LAMA3: variants seen among roughly 807,000 people sequenced by gnomAD.
LAMA3 encodes laminin subunit alpha-3.
LAMA3 carries 281 observed loss-of-function variants against 402.0 expected under a neutral mutation model. The ratio of observed to expected loss-of-function variants is 0.70; its 90% confidence interval spans 0.63 to 0.77. The LOEUF (loss-of-function observed/expected upper bound fraction) is 0.77. Ranked by LOEUF, LAMA3 falls within the 30% of genes least tolerant of loss-of-function variation. The probability of loss-of-function intolerance (pLI) is 0.00; values close to 1 mark genes in which losing one functional copy is unlikely to be tolerated. For synonymous variants in LAMA3, 1,431 were observed against 1,558.4 expected (o/e 0.92, Z 1.93); for missense variants, 3,840 against 4,215.5 (o/e 0.91, Z 2.47).
In LAMA3 at chr18:23,916,690, A is replaced by G; in HGVS notation, c.7918A>G (p.Asn2640Asp). 6.2e-7 allele frequency: 1 copy of G among 1,614,136 alleles called. No homozygotes were observed. The highest frequency in any genetic ancestry group is 8.5e-7 in the Non-Finnish European group (1 of 1,180,014). ...VDRGLLFFAE[N>D]GDRFISLNIE... Reference sequence around the variant, plus strand: ...TAGAGGCTTGCTGTTCTTTGCAGAAAACGGGGTAATCTATAACAAGCATCC... The same window carrying G: ...TAGAGGCTTGCTGTTCTTTGCAGAAGACGGGGTAATCTATAACAAGCATCC... Residue 2640 changes from asparagine (N) to aspartate (D), a missense_variant, in exon 60 of 75, where the codon AAC (asparagine) becomes GAC (aspartate). This residue lies in a region of LAMA3 where 840 missense variants were observed against 981.9 expected (regional missense o/e 0.86). Coordinates refer to ENST00000313654, the MANE Select transcript of LAMA3 (RefSeq NM_198129.4).
At chr18:23,751,916 G>C (rs950192263) in intron 5 of LAMA3, among the ~76,000 whole-genome samples, 1 of 152,198 alleles carries the variant, frequency 6.6e-6, no homozygotes, top group African/African-American at 2.4e-5. Context: ...TCCATTGGTT[G>C]CAACCATAAA....
At chr18:23,728,936 C>T (rs1165471395) in intron 2 of LAMA3, among the ~76,000 whole-genome samples, 2 of 148,704 alleles carry the variant, frequency 1.3e-5, no homozygotes, top group East Asian at 2.0e-4. Context: ...AAGGCTGAGA[C>T]GGGGTAATCG....
intron 24 of LAMA3, among the ~76,000 whole-genome samples, chr18:23,835,524 C>T (rs1474744072): frequency 1.3e-5 from 2 of 152,210 alleles, no homozygotes; most frequent in African/African-American, 4.8e-5. Context: ...AACATGACAA[C>T]ACCAAAGTCC....
intron 62 of LAMA3, among the ~76,000 whole-genome samples, chr18:23,926,270 C>A (rs1176223323): frequency 6.6e-6 from 1 of 152,210 alleles, no homozygotes; most frequent in Admixed American, 6.5e-5. Flanking sequence ...TATCTGTTAA[C>A]TGCCTTTCTC....
chr18:23,837,297 T>C (rs1435279900), intron 25 of LAMA3: 1 of 567,318 alleles, frequency 1.8e-6, no homozygotes, highest in African/African-American at 1.9e-5. Context: ...AATTTAGTCA[T>C]ATTTAAGCAC....
chr18:23,831,350 C>T (rs1398873054), intron 23 of LAMA3, among the ~76,000 whole-genome samples: 1 of 152,166 alleles, frequency 6.6e-6, no homozygotes, highest in Non-Finnish European at 1.5e-5. Context: ...TGTTTCTCTG[C>T]TCCTCTGACC....
intron 24 of LAMA3, among the ~76,000 whole-genome samples, chr18:23,836,469 A>G (rs2063583556): frequency 6.6e-6 from 1 of 152,082 alleles, no homozygotes. Flanking sequence ...ATCTCACTTG[A>G]TGTGATGGAG....
intron 21 of LAMA3, among the ~76,000 whole-genome samples, chr18:23,825,880 GGA>G (rs1312081757): frequency 2.6e-5 from 4 of 152,086 alleles, no homozygotes; most frequent in Non-Finnish European, 4.4e-5. Flanking sequence ...AAAGTCATGA[GGA>G]GAGAGGAGAC....
rs182553688 is a variant in LAMA3 at position 23,930,379 on chromosome 18, C to T, written c.8437-683C>T. The stretch of plus-strand genomic sequence containing the variant: ...ATTCTTATATTAAAAATTGAGGAAT[C>T]GAGTCTTTGCTGTAAAATTTATTTA... On this transcript the variant is annotated intron_variant, in intron 64 of 74. Transcript: ENST00000313654. Among the ~76,000 whole-genome samples the T allele has an allele frequency of 1.5e-3, 234 of 152,194 alleles. 1 individual carries two copies. Among genetic ancestry groups the T allele is most frequent in the African/African-American group, 5.4e-3 (226 of 41,526 alleles).
chr18:23,798,708 C>T (rs1162232815), intron 12 of LAMA3, among the ~76,000 whole-genome samples: 2 of 152,186 alleles, frequency 1.3e-5, no homozygotes, highest in Admixed American at 1.3e-4. Context: ...TAAGGATTTT[C>T]TGTAGATTTA....
chr18:23,811,526 G>A (rs1233953777), intron 13 of LAMA3, among the ~76,000 whole-genome samples: 1 of 152,144 alleles, frequency 6.6e-6, no homozygotes, highest in Non-Finnish European at 1.5e-5. Context: ...TCCTGCATGG[G>A]TCTGCTCACC....
intron 6 of LAMA3, among the ~76,000 whole-genome samples, chr18:23,756,372 T>A (rs62093356): frequency 1.3e-5 from 2 of 148,736 alleles, no homozygotes; most frequent in African/African-American, 5.1e-5. Context: ...GTCTCTCATA[T>A]TTAAAAAAAA....
intron 62 of LAMA3, among the ~76,000 whole-genome samples, chr18:23,927,059 T>A (rs1286778527): frequency 6.6e-6 from 1 of 152,212 alleles, no homozygotes; most frequent in Non-Finnish European, 1.5e-5. Context: ...CCCAGGCAAT[T>A]TGGCTGGTCC....
chr18:23,711,023 TC>T (rs2060980303), intron 1 of LAMA3, among the ~76,000 whole-genome samples: 3 of 152,188 alleles, frequency 2.0e-5, no homozygotes, highest in African/African-American at 7.2e-5. Context: ...ACAAAGTTAA[TC>T]CAGAAAAACC....
chr18:23,930,856 G>C (rs939334845), intron 64 of LAMA3, among the ~76,000 whole-genome samples: 2 of 152,170 alleles, frequency 1.3e-5, no homozygotes, highest in African/African-American at 4.8e-5. Context: ...CATTGGTGTT[G>C]ACATAATTTG....
At chr18:23,878,614 C>A (rs911184421) in intron 39 of LAMA3, among the ~76,000 whole-genome samples, 14 of 152,240 alleles carry the variant, frequency 9.2e-5, no homozygotes, top group Admixed American at 2.0e-4. Flanking sequence ...GCTGAGAATG[C>A]ATTCCTCGTT....
intron 19 of LAMA3, 43 bp downstream of exon 19, chr18:23,820,040 G>A (rs1433707680): frequency 6.2e-7 from 1 of 1,605,424 alleles, no homozygotes; most frequent in East Asian, 2.2e-5. Context: ...GAGTAGCTCA[G>A]ATACTTCCCC....
Position 23,689,988 on chromosome 18 carries a change from C to T in LAMA3, c.294+11C>T. On this transcript the variant is annotated intron_variant, in intron 1 of 74. Coordinates refer to ENST00000313654, the MANE Select transcript of LAMA3 (RefSeq NM_198129.4). ...GGCCACACCATCCAGGTGAGGGCCT[C>T]GGAGAGAGCCGGGGTGGGCGCGCCT... 1 of 1,435,298 alleles carries T rather than the reference C, an allele frequency of 7.0e-7. No homozygotes were observed. The highest frequency in any genetic ancestry group is 1.4e-5 in the South Asian group (1 of 70,354). The allele number at this position is 1,435,298 out of a possible 1,614,324, so 88.9% of individuals were successfully genotyped here. A position where few individuals can be genotyped will look rare whatever the true frequency, so the allele number is the denominator to read the frequency against.
At chr18:23,855,415 T>C (rs1318335328) in intron 32 of LAMA3, among the ~76,000 whole-genome samples, 1 of 152,196 alleles carries the variant, frequency 6.6e-6, no homozygotes, top group Non-Finnish European at 1.5e-5. Flanking sequence ...GGTCATCTGC[T>C]CTCTCTTCTT....
Sources: allele counts gnomAD v4.1 joint callset (sites outside exome capture counted in the v4.1 genomes callset), GRCh38; gene constraint gnomAD v4.1.1; regional missense constraint gnomAD v4.1.1; transcripts MANE v1.5; gene names NCBI Gene and HGNC (gene_info 2026-07-23, HGNC 2026-07-21).